SRRM4: variants seen among roughly 807,000 people sequenced by gnomAD.
SRRM4 encodes the protein serine/arginine repetitive matrix protein 4.
In SRRM4, 33 loss-of-function variants were observed where a neutral mutation model predicts 68.9. That is an observed-to-expected ratio of 0.48 (90% CI 0.36 to 0.64). The LOEUF (loss-of-function observed/expected upper bound fraction) is 0.64. Among genes scored for constraint, SRRM4 ranks in the 30% least tolerant of loss-of-function variants. The pLI is 0.00. For synonymous variants in SRRM4, 318 were observed against 318.8 expected (o/e 1.00, Z 0.03); for missense variants, 817 against 827.1 (o/e 0.99, Z 0.15).
intron 3 of SRRM4, among the ~76,000 whole-genome samples, chr12:119,115,918 T>C (rs536000944): frequency 6.6e-6 from 1 of 152,144 alleles, no homozygotes; most frequent in African/African-American, 2.4e-5. Context: ...AATCGGGAGA[T>C]TTCATATGAA....
chr12:119,021,444 C>A (rs1953515072), intron 1 of SRRM4, among the ~76,000 whole-genome samples: 1 of 152,122 alleles, frequency 6.6e-6, no homozygotes, highest in African/African-American at 2.4e-5. Flanking sequence ...AGAATAAGAA[C>A]ACATAGGACT....
chr12:119,010,046 G>A (rs1953439151), intron 1 of SRRM4, among the ~76,000 whole-genome samples: 1 of 152,078 alleles, frequency 6.6e-6, no homozygotes, highest in East Asian at 1.9e-4. Context: ...CACATAGTAG[G>A]CTCTCAGAAA....
intron 1 of SRRM4, among the ~76,000 whole-genome samples, chr12:119,018,389 T>C (rs1953494663): frequency 2.0e-5 from 3 of 152,246 alleles, no homozygotes; most frequent in Admixed American, 2.0e-4. Flanking sequence ...AAATTCAGCA[T>C]CGACTTCAGT....
rs1954478118 is a variant in SRRM4, at chr12:119,156,953, T to G, written c.*155T>G. On this transcript the variant is annotated 3_prime_UTR_variant, in exon 13 of 13. Transcript: ENST00000267260. ...GAAGAGGAGAAGAGGGTAAGGGGGC[T>G]TCACTCTCTAGATCAGCCTGCTAGG... is the stretch of plus-strand genomic sequence containing the variant. The G allele has an allele frequency of 1.1e-6, 1 of 943,964 alleles. No homozygotes were observed. The highest frequency in any genetic ancestry group is 2.7e-5 in the East Asian group (1 of 37,380). 58.5% of individuals were successfully genotyped at this position (943,964 alleles called of 1,614,324 possible). A position where few individuals can be genotyped will look rare whatever the true frequency, so the allele number is the denominator to read the frequency against.
chr12:119,147,699 T>C (rs960961601), intron 9 of SRRM4, among the ~76,000 whole-genome samples: 1 of 152,226 alleles, frequency 6.6e-6, no homozygotes, highest in African/African-American at 2.4e-5. Flanking sequence ...TCAGAGAACA[T>C]TGAGATTTCT....
At chr12:119,059,836 A>T (rs549583917) in intron 1 of SRRM4, among the ~76,000 whole-genome samples, 1 of 152,288 alleles carries the variant, frequency 6.6e-6, no homozygotes, top group East Asian at 1.9e-4. Context: ...AGGACTATCT[A>T]TCCCTCAAGC....
chr12:119,004,832 A>G (rs1400153361), intron 1 of SRRM4, among the ~76,000 whole-genome samples: 1 of 151,870 alleles, frequency 6.6e-6, no homozygotes, highest in Non-Finnish European at 1.5e-5. Flanking sequence ...CAGTGTCTGA[A>G]AAATACAGAT....
intron 1 of SRRM4, among the ~76,000 whole-genome samples, chr12:119,085,913 A>G (rs994715462): frequency 6.6e-6 from 1 of 152,154 alleles, no homozygotes; most frequent in African/African-American, 2.4e-5. Context: ...AAGCCGGTAG[A>G]GCTAGAGGAC....
intron 1 of SRRM4, among the ~76,000 whole-genome samples, chr12:119,085,982 G>A (rs559975961): frequency 6.6e-6 from 1 of 152,234 alleles, no homozygotes; most frequent in South Asian, 2.1e-4. Context: ...GGTGCCTGTG[G>A]GACTTTCATG....
chr12:119,024,469 G>A (rs966599244), intron 1 of SRRM4, among the ~76,000 whole-genome samples: 3 of 152,222 alleles, frequency 2.0e-5, no homozygotes, highest in South Asian at 4.1e-4. Context: ...AGCCCCCTCG[G>A]CTGGGCCCCT....
chr12:119,052,209 G>A lies in SRRM4; in HGVS notation c.132-50027G>A, dbSNP rs77139537. On this transcript the variant is annotated intron_variant, in intron 1 of 12. Transcript: ENST00000267260. ...ACCTGCTGTGTTTAGAATAATCACC[G>A]TGGCAACTGTGGCTGCTCTCGTGGA... 5.7e-3 allele frequency among the ~76,000 whole-genome samples: 875 copies of A among 152,282 alleles called. 1 individual carries two copies. The highest frequency in any genetic ancestry group is 0.016 in the African/African-American group (657 of 41,550).
At chr12:119,093,859 T>A (rs183479588) in intron 1 of SRRM4, among the ~76,000 whole-genome samples, 2 of 152,276 alleles carry the variant, frequency 1.3e-5, no homozygotes, top group East Asian at 3.9e-4. Context: ...AGCAGTTTTA[T>A]CTCTCATGAA....
At chr12:119,063,453 C>A (rs529053681) in intron 1 of SRRM4, among the ~76,000 whole-genome samples, 1 of 152,148 alleles carries the variant, frequency 6.6e-6, no homozygotes, top group Non-Finnish European at 1.5e-5. Flanking sequence ...AATGAATCAT[C>A]TAGAATGTCT....
intron 1 of SRRM4, among the ~76,000 whole-genome samples, chr12:119,084,676 G>A (rs1953968887): frequency 6.6e-6 from 1 of 152,076 alleles, no homozygotes; most frequent in Non-Finnish European, 1.5e-5. Flanking sequence ...GGATAAAATG[G>A]AGCAGAAGTC....
intron 4 of SRRM4, 65 bp from the exon 5 acceptor site, chr12:119,120,185 C>T: frequency 1.7e-6 from 2 of 1,182,266 alleles, no homozygotes; most frequent in Non-Finnish European, 2.4e-6. Flanking sequence ...CTCTCTCTCC[C>T]TCTCTTTCTC....
At chr12:119,054,073 C>G (rs1953762059) in intron 1 of SRRM4, among the ~76,000 whole-genome samples, 1 of 152,206 alleles carries the variant, frequency 6.6e-6, no homozygotes, top group South Asian at 2.1e-4. Flanking sequence ...CATCCTTCTA[C>G]TCTCTATGTC....
At chr12:119,040,700 T>C (rs952866744) in intron 1 of SRRM4, among the ~76,000 whole-genome samples, 12 of 152,146 alleles carry the variant, frequency 7.9e-5, no homozygotes, top group South Asian at 4.1e-4. Context: ...TTCTGCAGGG[T>C]AGATACCCAG....
intron 1 of SRRM4, among the ~76,000 whole-genome samples, chr12:119,070,722 C>G (rs1953872987): frequency 6.6e-6 from 1 of 152,212 alleles, no homozygotes; most frequent in South Asian, 2.1e-4. Flanking sequence ...TAAGAAACTG[C>G]TGCTTTCATA....
At chr12:119,061,625 C>T (rs1953812752) in intron 1 of SRRM4, among the ~76,000 whole-genome samples, 1 of 152,170 alleles carries the variant, frequency 6.6e-6, no homozygotes, top group Non-Finnish European at 1.5e-5. Context: ...TATTTCCAAA[C>T]AATCTTCCAA....
Sources: allele counts gnomAD v4.1 joint callset (sites outside exome capture counted in the v4.1 genomes callset), GRCh38; gene constraint gnomAD v4.1.1; transcripts MANE v1.5; gene names NCBI Gene and HGNC (gene_info 2026-07-23, HGNC 2026-07-21).